INTS9: variants seen among roughly 807,000 people sequenced by gnomAD.
The protein encoded by INTS9 is integrator complex subunit 9, also known as protein related to CPSF subunits of 74 kDa.
In INTS9, 55 loss-of-function variants were observed where a neutral mutation model predicts 79.7. The observed-to-expected ratio is 0.69, with a 90% CI of 0.56 to 0.86. The LOEUF (loss-of-function observed/expected upper bound fraction) is 0.86, where lower values mean the gene tolerates loss of function less well. Ranked by LOEUF, INTS9 falls within the 40% of genes least tolerant of loss-of-function variation. The pLI is 0.00. For missense variants in INTS9, 721 were observed against 831.5 expected, an observed-to-expected ratio of 0.87 and a Z score of 1.64; for synonymous variants, 319 against 325.2, an observed-to-expected ratio of 0.98 and a Z score of 0.20.
chr8:28,877,248 A>C (rs1213944221), intron 1 of INTS9, among the ~76,000 whole-genome samples: 1 of 152,194 alleles, frequency 6.6e-6, no homozygotes, highest in Non-Finnish European at 1.5e-5. Flanking sequence ...TTACTACTGG[A>C]ATATTAATAG....
rs546620931 is a variant in INTS9 at position 28,778,968 on chromosome 8, GC to G, written c.1271-1016del. ...CCCAGACACAACTTCTGCCCTGGAAGCCCCATAAACCAGTTTAAATGCAAAC... is the reference window on the plus strand; with the variant it reads ...CCCAGACACAACTTCTGCCCTGGAAGCCCATAAACCAGTTTAAATGCAAAC... On this transcript the variant is annotated intron_variant, in intron 12 of 16. Coordinates refer to ENST00000521022, the MANE Select transcript of INTS9 (RefSeq NM_018250.4). 1.7e-3 allele frequency among the ~76,000 whole-genome samples: 263 copies of G among 152,250 alleles called. 2 individuals are homozygous for G. Among genetic ancestry groups the G allele is most frequent in the Non-Finnish European group, 3.4e-3 (230 of 68,018 alleles).
chr8:28,841,453 C>T (rs370839596), intron 4 of INTS9, among the ~76,000 whole-genome samples: 14 of 152,202 alleles, frequency 9.2e-5, no homozygotes, highest in East Asian at 7.7e-4. Context: ...CTTGAAATTT[C>T]TCTTTAAGAA....
At chr8:28,777,763 C>G (rs1447337382) in intron 13 of INTS9, 66 bp downstream of exon 13, 8 of 1,510,198 alleles carry the variant, frequency 5.3e-6, no homozygotes, top group Non-Finnish European at 5.3e-6. Flanking sequence ...CCCCTCACCC[C>G]ACACAAGCAT....
chr8:28,874,019 C>T (rs964284414), intron 1 of INTS9, among the ~76,000 whole-genome samples: 1 of 152,198 alleles, frequency 6.6e-6, no homozygotes, highest in Non-Finnish European at 1.5e-5. Context: ...AGGTCTTCTG[C>T]AAAGTGCTAA....
At chr8:28,853,910 A>G (rs1001714278) in intron 2 of INTS9, among the ~76,000 whole-genome samples, 5 of 152,102 alleles carry the variant, frequency 3.3e-5, no homozygotes, top group Middle Eastern at 3.2e-3. Context: ...AGTTAGAGAC[A>G]GTGTTTCACT....
At chr8:28,885,044 C>A (rs1423239905) in intron 1 of INTS9, among the ~76,000 whole-genome samples, 1 of 152,214 alleles carries the variant, frequency 6.6e-6, no homozygotes, top group East Asian at 1.9e-4. Context: ...TCTACATAAT[C>A]TACAATTGCA....
At chr8:28,813,192 A>G (rs1344231522) in intron 7 of INTS9, among the ~76,000 whole-genome samples, 1 of 151,996 alleles carries the variant, frequency 6.6e-6, no homozygotes, top group East Asian at 1.9e-4. Context: ...CACTTGACAA[A>G]CTCTTCTCTC....
intron 6 of INTS9, among the ~76,000 whole-genome samples, chr8:28,822,507 G>A (rs1805895686): frequency 6.6e-6 from 1 of 152,128 alleles, no homozygotes; most frequent in African/African-American, 2.4e-5. Context: ...AAACAGTGGT[G>A]GGCCAGATCT....
chr8:28,783,388 C>T (rs566181561), intron 11 of INTS9, among the ~76,000 whole-genome samples: 2 of 152,286 alleles, frequency 1.3e-5, no homozygotes, highest in East Asian at 3.9e-4. Flanking sequence ...AGGCTAGACA[C>T]CCAGACTTCA....
chr8:28,862,128 T>C, intron 1 of INTS9: 1 of 985,462 alleles, frequency 1.0e-6, no homozygotes. Context: ...GCCCAGACCC[T>C]GTGGCCTCCA....
intron 7 of INTS9, among the ~76,000 whole-genome samples, chr8:28,813,266 G>C (rs1005253): frequency 0.2 from 30,754 of 152,044 alleles, 3,518 homozygotes; most frequent in East Asian, 0.46. Context: ...GCCTTTCTCC[G>C]GACTCCCTGC....
intron 2 of INTS9, 37 bp from the exon 3 acceptor site, chr8:28,850,310 T>C: frequency 2.6e-6 from 4 of 1,529,118 alleles, no homozygotes; most frequent in African/African-American, 1.4e-5. Context: ...TTAACCTAAA[T>C]AGATTATAAT....
At chr8:28,789,192 A>G (rs1803785296) in intron 10 of INTS9, among the ~76,000 whole-genome samples, 1 of 152,192 alleles carries the variant, frequency 6.6e-6, no homozygotes, top group Non-Finnish European at 1.5e-5. Flanking sequence ...GCTTGGTTCT[A>G]AACTTATTTT....
intron 6 of INTS9, among the ~76,000 whole-genome samples, chr8:28,825,999 T>C (rs1365779308): frequency 6.6e-6 from 1 of 152,182 alleles, no homozygotes; most frequent in Non-Finnish European, 1.5e-5. Flanking sequence ...TCAGTATGCA[T>C]GGGCCAGTAG....
chr8:28,889,843 T>C, intron 1 of INTS9, 31 bp downstream of exon 1: 5 of 1,613,528 alleles, frequency 3.1e-6, no homozygotes, highest in Non-Finnish European at 4.2e-6. Context: ...TAGCATCACC[T>C]TTGCCCTCTG....
At chr8:28,782,492 A>G (rs1244108837) in intron 11 of INTS9, among the ~76,000 whole-genome samples, 1 of 152,258 alleles carries the variant, frequency 6.6e-6, no homozygotes, top group African/African-American at 2.4e-5. Context: ...TTGCTACTAG[A>G]GAAGCTTCTC....
chr8:28,822,053 G>C (rs182680218), intron 6 of INTS9, among the ~76,000 whole-genome samples: 2 of 152,216 alleles, frequency 1.3e-5, no homozygotes, highest in East Asian at 3.9e-4. Flanking sequence ...GGGCATGACT[G>C]ATATCTGTGC....
chr8:28,774,756 T>C (rs1802770422), intron 14 of INTS9, among the ~76,000 whole-genome samples: 1 of 152,156 alleles, frequency 6.6e-6, no homozygotes, highest in Non-Finnish European at 1.5e-5. Flanking sequence ...TCCTGTCTGT[T>C]GAAAACACAT....
chr8:28,886,658 A>G (rs1446449619), intron 1 of INTS9, among the ~76,000 whole-genome samples: 1 of 152,140 alleles, frequency 6.6e-6, no homozygotes, highest in African/African-American at 2.4e-5. Context: ...TAACCTAGGC[A>G]TGGTGCAGGG....
Sources: allele counts gnomAD v4.1 joint callset (sites outside exome capture counted in the v4.1 genomes callset), GRCh38; gene constraint gnomAD v4.1.1; transcripts MANE v1.5; gene names NCBI Gene and HGNC (gene_info 2026-07-23, HGNC 2026-07-21).